DIRAS2: variants seen among roughly 807,000 people sequenced by gnomAD.
DIRAS2 encodes DIRAS family GTPase 2.
Under a neutral mutation model 13.9 loss-of-function variants are expected in DIRAS2, and 5 were observed. The ratio of observed to expected loss-of-function variants is 0.36; its 90% confidence interval spans 0.19 to 0.76. DIRAS2 has a LOEUF of 0.76. Among genes scored for constraint, DIRAS2 ranks in the 30% least tolerant of loss-of-function variants. DIRAS2 has a pLI of 0.53. For missense variants in DIRAS2, 191 were observed against 263.0 expected (o/e 0.73, Z 1.89); for synonymous variants, 111 against 105.4 (o/e 1.05, Z -0.33).
At chr9:90,622,637 C>A (rs1447585775) in intron 1 of DIRAS2, among the ~76,000 whole-genome samples, 2 of 152,152 alleles carry the variant, frequency 1.3e-5, no homozygotes, top group African/African-American at 2.4e-5. Context: ...AGCCCAAGTT[C>A]AAATTCTTTC....
intron 1 of DIRAS2, among the ~76,000 whole-genome samples, chr9:90,620,209 A>G (rs1214447568): frequency 6.6e-6 from 1 of 152,200 alleles, no homozygotes; most frequent in Non-Finnish European, 1.5e-5. Flanking sequence ...CTTTTACTTA[A>G]AAACAGACAT....
chr9:90,625,483 G>A (rs1347504685), intron 1 of DIRAS2, among the ~76,000 whole-genome samples: 1 of 152,166 alleles, frequency 6.6e-6, no homozygotes, highest in East Asian at 1.9e-4. Flanking sequence ...ATCTATTTGA[G>A]TTAATTCTTA....
chr9:90,641,998 A>G (rs1825422899), intron 1 of DIRAS2, among the ~76,000 whole-genome samples: 1 of 152,264 alleles, frequency 6.6e-6, no homozygotes, highest in Non-Finnish European at 1.5e-5. Flanking sequence ...CAGAGCTTCT[A>G]GTTTAAAAGT....
rs570448380 is a variant in DIRAS2, at chr9:90,624,634, T to G, written c.-36-10771A>C. ...CTTAAGTATACAAATAAGTTTCACT[T>G]ATATTTGTCTAGAACAATTTCATCT... On this transcript the variant is annotated intron_variant, in intron 1 of 1. Transcript: ENST00000375765. 1.2e-4 allele frequency among the ~76,000 whole-genome samples: 18 copies of G among 152,330 alleles called. No homozygotes were observed. The South Asian group carries it at 3.1e-3, about 26-fold the overall frequency.
intron 1 of DIRAS2, among the ~76,000 whole-genome samples, chr9:90,638,994 G>T (rs1428661127): frequency 6.6e-6 from 1 of 152,150 alleles, no homozygotes; most frequent in Non-Finnish European, 1.5e-5. Flanking sequence ...GGAAGGGCGT[G>T]TGTGTGTTTA....
intron 1 of DIRAS2, among the ~76,000 whole-genome samples, chr9:90,639,717 G>A (rs1181010928): frequency 6.6e-6 from 1 of 152,082 alleles, no homozygotes; most frequent in Non-Finnish European, 1.5e-5. Context: ...TCTACTCACT[G>A]GTTATTTTTC....
rs749404086 is a variant in DIRAS2, at chr9:90,613,621, C to A, written c.207G>T (p.Pro69=). The A allele has an allele frequency of 5.6e-6, 9 of 1,614,156 alleles. No homozygotes were observed. The highest frequency in any genetic ancestry group is 6.8e-6 in the Non-Finnish European group (8 of 1,180,036). Residue 69 remains proline, a synonymous_variant, in exon 2 of 2, where the codon CCG becomes CCT. Transcript: ENST00000375765. This position sits in a 1 kb window ranked among gnomAD's most constrained non-coding sequence, Gnocchi z 5.6. The part of the protein sequence containing the change: ...ITDTTGSHQF[P]AMQRLSISKG... ...TGGAGATGGACAGCCGCTGCATGGC[C>A]GGGAACTGGTGGCTCCCCGTCGTGT...
At chr9:90,622,553 T>C (rs1825229616) in intron 1 of DIRAS2, among the ~76,000 whole-genome samples, 1 of 151,788 alleles carries the variant, frequency 6.6e-6, no homozygotes, top group Non-Finnish European at 1.5e-5. Context: ...TAAACAATAC[T>C]AATAAATTAT....
rs988075040 is a variant in DIRAS2, at chr9:90,630,856, G to A, written c.-37+11896C>T. 2.0e-5 allele frequency among the ~76,000 whole-genome samples: 3 copies of A among 152,164 alleles called. No homozygotes were observed. The East Asian group carries it at 5.8e-4, about 29-fold the overall frequency. ...GCTTTGGAAACCTAATCATCCTATA[G>A]AGACAGCGTTTTGGAAAGGGACATA... On this transcript the variant is annotated intron_variant, in intron 1 of 1. Transcript: ENST00000375765.
Position 90,613,861 on chromosome 9 carries a change from C to T in DIRAS2, c.-34G>A. ...AGAGCTCCAACTCTCAGCCAGGACG[C>T]ACCTAGCAAAGGAACCAGATGTTTG... is the stretch of plus-strand genomic sequence containing the variant. On this transcript the variant is annotated splice_region_variant and 5_prime_UTR_variant, in exon 2 of 2. Coordinates refer to ENST00000375765, the MANE Select transcript of DIRAS2 (RefSeq NM_017594.5). This position sits in a 1 kb window ranked among gnomAD's most constrained non-coding sequence, Gnocchi z 5.6. 6.3e-7 allele frequency: 1 copy of T among 1,578,590 alleles called. No homozygotes were observed.
intron 1 of DIRAS2, among the ~76,000 whole-genome samples, chr9:90,618,384 T>C (rs1825189407): frequency 1.3e-5 from 2 of 152,148 alleles, no homozygotes; most frequent in African/African-American, 4.8e-5. Context: ...GGGGAGCACC[T>C]CTCCCTCACA....
intron 1 of DIRAS2, among the ~76,000 whole-genome samples, chr9:90,614,401 T>G (rs1825147538): frequency 6.6e-6 from 1 of 151,864 alleles, no homozygotes; most frequent in Non-Finnish European, 1.5e-5. Flanking sequence ...GATGTTCTAA[T>G]ATTTATTCAG....
Position 90,611,997 on chromosome 9 carries a change from G to C in DIRAS2, c.*1231C>G, listed in dbSNP as rs1368390383. On this transcript the variant is annotated 3_prime_UTR_variant, in exon 2 of 2. Transcript: ENST00000375765. The stretch of plus-strand genomic sequence containing the variant: ...GGAAACCTGAAATAGCTGTAATTTG[G>C]CTTGAAAGATTAAAGATGCACACAA... The C allele has an allele frequency of 6.6e-6, 1 of 152,238 alleles. No individual in the cohort carries two copies. Among genetic ancestry groups the C allele is most frequent in the African/African-American group, 2.4e-5 (1 of 41,440 alleles). The allele number at this position is 152,238 out of a possible 1,614,324, so 9.4% of individuals were successfully genotyped here. A position where few individuals can be genotyped will look rare whatever the true frequency, so the allele number is the denominator to read the frequency against.
intron 1 of DIRAS2, among the ~76,000 whole-genome samples, chr9:90,629,191 T>C (rs927921336): frequency 6.6e-6 from 1 of 152,224 alleles, no homozygotes; most frequent in African/African-American, 2.4e-5. Flanking sequence ...ATCTTTTTAC[T>C]TTTTAAAATG....
intron 1 of DIRAS2, among the ~76,000 whole-genome samples, chr9:90,619,609 A>G (rs558063647): frequency 3.3e-5 from 5 of 152,324 alleles, no homozygotes; most frequent in African/African-American, 1.2e-4. Context: ...AAAATGTAAA[A>G]TGATATTGCT....
chr9:90,618,573 C>T (rs1412748697), intron 1 of DIRAS2, among the ~76,000 whole-genome samples: 1 of 152,058 alleles, frequency 6.6e-6, no homozygotes, highest in South Asian at 2.1e-4. Flanking sequence ...GTGACTTCAT[C>T]AAAACTAAAG....
chr9:90,625,148 A>G (rs1825256450), intron 1 of DIRAS2, among the ~76,000 whole-genome samples: 2 of 152,240 alleles, frequency 1.3e-5, no homozygotes, highest in South Asian at 4.1e-4. Context: ...GAGCACACGA[A>G]TCTGCATGTA....
chr9:90,613,929 C>G lies in DIRAS2; in HGVS notation c.-36-66G>C. Reference sequence around the variant, plus strand: ...AATATAAAAACATTAATAAGGATAGCTCTACCCTCTTTTGATAGCTTAAAA... The same window carrying G: ...AATATAAAAACATTAATAAGGATAGGTCTACCCTCTTTTGATAGCTTAAAA... On this transcript the variant is annotated intron_variant, in intron 1 of 1. Transcript: ENST00000375765. The surrounding 1 kb of genome is among the most constrained non-coding windows in gnomAD (Gnocchi z 5.6). The G allele has an allele frequency of 7.2e-7, 1 of 1,381,946 alleles. No individual in the cohort carries two copies. The highest frequency in any genetic ancestry group is 9.7e-7 in the Non-Finnish European group (1 of 1,031,400). 85.6% of individuals were successfully genotyped at this position (1,381,946 alleles called of 1,614,324 possible). A position where few individuals can be genotyped will look rare whatever the true frequency, so the allele number is the denominator to read the frequency against.
chr9:90,631,166 A>C (rs1825321344), intron 1 of DIRAS2, among the ~76,000 whole-genome samples: 1 of 152,154 alleles, frequency 6.6e-6, no homozygotes, highest in African/African-American at 2.4e-5. Context: ...AATTTGAGAG[A>C]GGTAATGGCA....
Sources: gnomAD v4.1 joint callset for allele counts (sites outside exome capture counted in the v4.1 genomes callset) on GRCh38, gnomAD v4.1.1 for gene constraint, Gnocchi (gnomAD v3.1) non-coding constraint, MANE v1.5 for transcripts, NCBI Gene and HGNC (gene_info 2026-07-23, HGNC 2026-07-21) for gene names.